HCN1: variants seen among roughly 807,000 people sequenced by gnomAD.
HCN1 encodes the protein hyperpolarization activated cyclic nucleotide gated potassium channel 1, also known as potassium/sodium hyperpolarization-activated cyclic nucleotide-gated channel 1.
HCN1 carries 13 observed loss-of-function variants against 78.9 expected under a neutral mutation model. That is an observed-to-expected ratio of 0.16 (90% CI 0.11 to 0.26). The LOEUF is 0.26. HCN1 is among the 10% of genes least tolerant of loss of function. HCN1 has a pLI of 1.00. For missense variants in HCN1, 810 were observed against 1,154.3 expected (o/e 0.70, Z 4.32); for synonymous variants, 552 against 455.5 (o/e 1.21, Z -2.70).
intron 2 of HCN1, among the ~76,000 whole-genome samples, chr5:45,521,818 C>T (rs1470835338): frequency 2.6e-5 from 4 of 151,932 alleles, no homozygotes; most frequent in Non-Finnish European, 5.9e-5. Flanking sequence ...AAAGATACAG[C>T]TCCACAGTTT....
At chr5:45,674,913 C>G (rs778129675) in intron 1 of HCN1, among the ~76,000 whole-genome samples, 1 of 151,392 alleles carries the variant, frequency 6.6e-6, no homozygotes, top group Non-Finnish European at 1.5e-5. Context: ...GACAATATCT[C>G]TATAAAAAAT....
intron 2 of HCN1, among the ~76,000 whole-genome samples, chr5:45,573,479 C>T (rs868659380): frequency 5.4e-5 from 6 of 111,512 alleles, no homozygotes; most frequent in African/African-American, 2.3e-4. Flanking sequence ...CCCCCCACCC[C>T]GAAAATTGTT....
chr5:45,375,323 T>C (rs1747598881), intron 4 of HCN1, among the ~76,000 whole-genome samples: 1 of 120,320 alleles, frequency 8.3e-6, no homozygotes, highest in Non-Finnish European at 1.6e-5. Context: ...TATAATATAA[T>C]ATTTTATGAT....
intron 2 of HCN1, among the ~76,000 whole-genome samples, chr5:45,509,031 C>A (rs114616672): frequency 0.014 from 2,130 of 152,228 alleles, 56 homozygotes; most frequent in African/African-American, 0.048. Flanking sequence ...GCCCAAAGCA[C>A]ATGAGTAAAA....
chr5:45,409,027 A>G (rs1332393256), intron 3 of HCN1, among the ~76,000 whole-genome samples: 1 of 152,218 alleles, frequency 6.6e-6, no homozygotes, highest in South Asian at 2.1e-4. Flanking sequence ...TTCTTTTACC[A>G]TATATGAGAG....
At chr5:45,492,712 G>A (rs1295652988) in intron 2 of HCN1, among the ~76,000 whole-genome samples, 1 of 151,686 alleles carries the variant, frequency 6.6e-6, no homozygotes, top group Non-Finnish European at 1.5e-5. Context: ...ATGTTGCCCA[G>A]GCTGGTCTTG....
At chr5:45,344,388 C>A (rs1405368068) in intron 5 of HCN1, among the ~76,000 whole-genome samples, 1 of 152,070 alleles carries the variant, frequency 6.6e-6, no homozygotes, top group Non-Finnish European at 1.5e-5. Flanking sequence ...ATTTCCAAAC[C>A]AATAATTCCT....
intron 5 of HCN1, among the ~76,000 whole-genome samples, chr5:45,307,934 T>C (rs1302230260): frequency 6.6e-6 from 1 of 152,074 alleles, no homozygotes; most frequent in Admixed American, 6.6e-5. Flanking sequence ...TCTGAAACTT[T>C]TTTGCTGATA....
intron 2 of HCN1, among the ~76,000 whole-genome samples, chr5:45,606,742 A>C (rs576619583): frequency 2.0e-5 from 3 of 152,078 alleles, no homozygotes; most frequent in Non-Finnish European, 4.4e-5. Flanking sequence ...AAGTACAATA[A>C]GTTTTAAGAG....
chr5:45,262,134 C>CAGG lies in HCN1; in HGVS notation c.2459_2460insCCT (p.Thr820_Ala821insLeu), dbSNP rs1561078984. 50 of 1,613,176 alleles carry CAGG rather than the reference C, an allele frequency of 3.1e-5. No individual in the cohort carries two copies. The highest frequency in any genetic ancestry group is 4.2e-5 in the Non-Finnish European group (50 of 1,179,460). ...CCTGAAGGCCCGTTCCGGGGACCGCCGTCACGGGTTGAGGGATGGAGGCCA... is the reference window on the plus strand; with the variant it reads ...CCTGAAGGCCCGTTCCGGGGACCGCCAGGGTCACGGGTTGAGGGATGGAGGCCA... On this transcript the variant is annotated inframe_insertion, in exon 8 of 8. Coordinates refer to ENST00000303230, the MANE Select transcript of HCN1 (RefSeq NM_021072.4).
In HCN1 at chr5:45,328,618, A is replaced by G. The variant is rs112097385; in HGVS notation, c.1377+24482T>C. On this transcript the variant is annotated intron_variant, in intron 5 of 7. Transcript: ENST00000303230. The stretch of plus-strand genomic sequence containing the variant: ...CTCAAGCATTGTGGCTCCACTGGGC[A>G]AAAGAGGATTCACGTCCCAAAGGAG... Among the ~76,000 whole-genome samples the G allele has an allele frequency of 4.6e-5, 7 of 151,788 alleles. 1 individual carries two copies. Among genetic ancestry groups the G allele is most frequent in the African/African-American group, 1.7e-4 (7 of 41,504 alleles).
intron 3 of HCN1, among the ~76,000 whole-genome samples, chr5:45,411,371 T>A (rs370976494): frequency 7.2e-5 from 11 of 152,046 alleles, no homozygotes; most frequent in African/African-American, 2.4e-4. Flanking sequence ...TTTTTTTTTT[T>A]ATTCTACCCA....
At chr5:45,353,810 A>G (rs1352402752) in intron 4 of HCN1, among the ~76,000 whole-genome samples, 3 of 151,924 alleles carry the variant, frequency 2.0e-5, no homozygotes, top group African/African-American at 7.2e-5. Flanking sequence ...CAGGCTTCCA[A>G]TTTAGGATTT....
chr5:45,496,060 C>A (rs1160528252), intron 2 of HCN1, among the ~76,000 whole-genome samples: 5 of 152,174 alleles, frequency 3.3e-5, no homozygotes, highest in African/African-American at 9.6e-5. Flanking sequence ...GTCTAAAATT[C>A]TCTTTTTTGG....
chr5:45,441,410 AAGGG>A lies in HCN1; in HGVS notation c.1011+20432_1011+20435del, dbSNP rs368793201. Among the ~76,000 whole-genome samples, 88 of 140,630 alleles carry A rather than the reference AAGGG, an allele frequency of 6.3e-4. 1 individual carries two copies. Among genetic ancestry groups the A allele is most frequent in the East Asian group, 4.4e-3 (18 of 4,076 alleles). The allele number at this position is 140,630 out of a possible 152,430, so 92.3% of individuals were successfully genotyped here. On this transcript the variant is annotated intron_variant, in intron 3 of 7. Transcript: ENST00000303230. ...GAAGGAAGGAAGGAAAGAAGGAAGG[AAGGG>A]AGGGAGGGAGGGAGGGAAGATATAT... is the stretch of plus-strand genomic sequence containing the variant.
intron 2 of HCN1, among the ~76,000 whole-genome samples, chr5:45,562,705 G>A (rs1162863573): frequency 6.6e-6 from 1 of 152,094 alleles, no homozygotes; most frequent in Non-Finnish European, 1.5e-5. Flanking sequence ...AAGTGGAAGT[G>A]ATAAAAAGAC....
chr5:45,335,314 A>G (rs114149695), intron 5 of HCN1, among the ~76,000 whole-genome samples: 4,523 of 152,154 alleles, frequency 0.03, 92 homozygotes, highest in Non-Finnish European at 0.041. Flanking sequence ...AGAAGGTTCT[A>G]CCTAGTTCTA....
At chr5:45,351,122 A>T (rs2111980216) in intron 5 of HCN1, among the ~76,000 whole-genome samples, 1 of 152,254 alleles carries the variant, frequency 6.6e-6, no homozygotes, top group Non-Finnish European at 1.5e-5. Flanking sequence ...CTGACTTCAA[A>T]CTATACTACA....
Position 45,261,819 on chromosome 5 carries a change from A to G in HCN1, c.*102T>C. 2.8e-6 allele frequency: 4 copies of G among 1,436,352 alleles called. No individual in the cohort carries two copies. Among genetic ancestry groups the G allele is most frequent in the Non-Finnish European group, 3.9e-6 (4 of 1,026,836 alleles). The allele number at this position is 1,436,352 out of a possible 1,614,324, so 89.0% of individuals were successfully genotyped here. On this transcript the variant is annotated 3_prime_UTR_variant, in exon 8 of 8. Transcript: ENST00000303230. ...CCACAGCTGTCTAAAATATCTCTTC[A>G]TAGTAGGCTAGAGGGATCTATCAGG...
Sources: allele counts gnomAD v4.1 joint callset (sites outside exome capture counted in the v4.1 genomes callset), GRCh38; gene constraint gnomAD v4.1.1; transcripts MANE v1.5; gene names NCBI Gene and HGNC (gene_info 2026-07-23, HGNC 2026-07-21).